KLRG1: variants seen among roughly 807,000 people sequenced by gnomAD.
KLRG1 encodes killer cell lectin-like receptor subfamily G member 1.
In KLRG1, 16 loss-of-function variants were observed where a neutral mutation model predicts 21.8. The observed-to-expected ratio is 0.73, with a 90% CI of 0.50 to 1.11. The LOEUF (loss-of-function observed/expected upper bound fraction) is 1.11. Among genes scored for constraint, KLRG1 ranks in the 50% most tolerant of loss-of-function variants. KLRG1 has a pLI of 0.00. For synonymous variants in KLRG1, 69 were observed against 75.9 expected (o/e 0.91, Z 0.47); for missense variants, 173 against 218.3 (o/e 0.79, Z 1.31).
the KLRG1 span, chr12:9,162,730 G>GT: frequency 1.8e-6 from 2 of 1,138,434 alleles, no homozygotes; most frequent in Admixed American, 2.0e-5. Flanking sequence ...TCTTTGATGG[G>GT]TAGGGTTTAC....
At chr12:9,104,226 T>C in the KLRG1 span, 1 of 1,603,678 alleles carries the variant, frequency 6.2e-7, no homozygotes, top group Non-Finnish European at 8.5e-7. Context: ...TGGTAATTTC[T>C]TTCCAAACTT....
intron 3 of KLRG1, among the ~76,000 whole-genome samples, chr12:8,998,544 C>T (rs1353178888): frequency 1.3e-5 from 2 of 151,894 alleles, no homozygotes; most frequent in African/African-American, 4.8e-5. Flanking sequence ...CAGAAATTAG[C>T]TGGGTGTGGT....
chr12:9,002,789 A>G (rs770084726), intron 3 of KLRG1, among the ~76,000 whole-genome samples: 30 of 151,758 alleles, frequency 2.0e-4, no homozygotes, highest in Non-Finnish European at 3.1e-4. Context: ...CTGGTCTCGA[A>G]CTCCTGGGCT....
chr12:9,033,387 A>G, the KLRG1 span, among the ~76,000 whole-genome samples: 3 of 152,012 alleles, frequency 2.0e-5, no homozygotes, highest in East Asian at 1.9e-4. Flanking sequence ...AGAGGCTACA[A>G]TGGGCTACAA....
At chr12:8,965,324 A>C (rs1486945841) in intron 1 of KLRG1, among the ~76,000 whole-genome samples, 1 of 152,172 alleles carries the variant, frequency 6.6e-6, no homozygotes, top group Non-Finnish European at 1.5e-5. Flanking sequence ...ATAGTGTTGG[A>C]AGTTCTGGCC....
chr12:9,127,593 T>C, the KLRG1 span, among the ~76,000 whole-genome samples: 1 of 152,132 alleles, frequency 6.6e-6, no homozygotes, highest in African/African-American at 2.4e-5. Context: ...CCGTGCACTT[T>C]GGAGTCGGGG....
chr12:9,158,835 C>T, the KLRG1 span, among the ~76,000 whole-genome samples: 1 of 145,964 alleles, frequency 6.9e-6, no homozygotes, highest in South Asian at 2.1e-4. Context: ...CATTTCTATG[C>T]CACTTCAGAG....
At chr12:9,141,373 C>G in the KLRG1 span, among the ~76,000 whole-genome samples, 1 of 152,138 alleles carries the variant, frequency 6.6e-6, no homozygotes, top group East Asian at 1.9e-4. Flanking sequence ...TTAATAGAAC[C>G]TTGTAGATAC....
intron 1 of KLRG1, chr12:8,970,429 A>T (rs1268553496): frequency 6.6e-6 from 1 of 152,260 alleles, no homozygotes; most frequent in Non-Finnish European, 1.5e-5. Flanking sequence ...TCACTCAAGG[A>T]AACAGATAGC....
the KLRG1 span, among the ~76,000 whole-genome samples, chr12:9,105,667 T>C: frequency 1.3e-5 from 2 of 152,186 alleles, no homozygotes; most frequent in East Asian, 1.9e-4. Flanking sequence ...AAATTCATAA[T>C]TCAAAAATCT....
At chr12:9,158,507 A>T in the KLRG1 span, 1 of 1,614,202 alleles carries the variant, frequency 6.2e-7, no homozygotes, top group Non-Finnish European at 8.5e-7. Context: ...GAGATTGGGT[A>T]ATGTGTGCTT....
the KLRG1 span, among the ~76,000 whole-genome samples, chr12:9,082,714 A>C: frequency 6.6e-6 from 1 of 152,252 alleles, no homozygotes; most frequent in Non-Finnish European, 1.5e-5. Flanking sequence ...ATAGAAATAA[A>C]GATCTATGAA....
the KLRG1 span, among the ~76,000 whole-genome samples, chr12:9,025,692 T>G: frequency 7.9e-5 from 12 of 152,162 alleles, no homozygotes; most frequent in Non-Finnish European, 1.6e-4. Context: ...ACCAAGATTC[T>G]TGAGTCAGTG....
the KLRG1 span, chr12:9,091,065 CA>C: frequency 1.7e-6 from 2 of 1,177,776 alleles, no homozygotes; most frequent in Non-Finnish European, 2.4e-6. Flanking sequence ...TTGGAGATCT[CA>C]AAACCTGTAA....
intron 3 of KLRG1, among the ~76,000 whole-genome samples, chr12:9,008,021 A>G (rs1592282853): frequency 6.6e-6 from 1 of 152,310 alleles, no homozygotes; most frequent in East Asian, 1.9e-4. Flanking sequence ...TGCAGATCAA[A>G]GTCTTTTATC....
chr12:9,009,161 G>A, intron 4 of KLRG1, 86 bp downstream of exon 4: 1 of 1,064,314 alleles, frequency 9.4e-7, no homozygotes, highest in Non-Finnish European at 1.4e-6. Flanking sequence ...ATAAAGAAGA[G>A]CAGATGGAGA....
At chr12:9,101,426 C>T in the KLRG1 span, 119 of 1,595,018 alleles carry the variant, frequency 7.5e-5, 1 homozygote, top group South Asian at 8.1e-4. Context: ...GTGAAGTCAA[C>T]GCAGTAACCT....
At chr12:9,128,064 C>T in the KLRG1 span, 1 of 215,366 alleles carries the variant, frequency 4.6e-6, no homozygotes, top group Non-Finnish European at 9.7e-6. Context: ...CGCAGGGCGC[C>T]CGATGAGCTG....
chr12:9,200,108 T>G, the KLRG1 span, among the ~76,000 whole-genome samples: 4 of 152,236 alleles, frequency 2.6e-5, no homozygotes, highest in African/African-American at 9.6e-5. Context: ...ATGATCTTTG[T>G]GATTTATCCT....
Sources: gnomAD v4.1 joint callset for allele counts (sites outside exome capture counted in the v4.1 genomes callset) on GRCh38, gnomAD v4.1.1 for gene constraint, MANE v1.5 for transcripts, NCBI Gene and HGNC (gene_info 2026-07-23, HGNC 2026-07-21) for gene names.